The following PRKCI variants were observed in gnomAD, a reference collection of about 807,000 sequenced individuals.
PRKCI encodes protein kinase C iota.
PRKCI carries 43 observed loss-of-function variants against 84.0 expected under a neutral mutation model. The ratio of observed to expected loss-of-function variants is 0.51; its 90% CI spans 0.40 to 0.66. PRKCI has a LOEUF of 0.66. PRKCI is among the 30% of genes least tolerant of loss of function. The pLI is 0.00. For missense variants in PRKCI, 459 were observed against 745.6 expected, an observed-to-expected ratio of 0.62 and a Z score of 4.48; for synonymous variants, 216 against 234.4, an observed-to-expected ratio of 0.92 and a Z score of 0.72.
chr3:170,228,415 A>T (rs916189523), intron 1 of PRKCI, among the ~76,000 whole-genome samples: 1 of 152,058 alleles, frequency 6.6e-6, no homozygotes, highest in Non-Finnish European at 1.5e-5. Flanking sequence ...GCCTGGGCTG[A>T]ATGTGGTGAA....
chr3:170,290,353 C>T (rs1734518499), intron 12 of PRKCI, among the ~76,000 whole-genome samples: 2 of 151,348 alleles, frequency 1.3e-5, no homozygotes, highest in African/African-American at 4.9e-5. Context: ...AATATTAGTT[C>T]ATTGGAATAC....
chr3:170,225,794 C>T (rs1473283787), intron 1 of PRKCI, among the ~76,000 whole-genome samples: 1 of 151,970 alleles, frequency 6.6e-6, no homozygotes, highest in Non-Finnish European at 1.5e-5. Flanking sequence ...AAATTGCCCT[C>T]TCTTTTCAAA....
At chr3:170,295,590 C>T (rs1734669359) in intron 14 of PRKCI, among the ~76,000 whole-genome samples, 1 of 150,620 alleles carries the variant, frequency 6.6e-6, no homozygotes, top group Admixed American at 6.6e-5. Flanking sequence ...GTGGTAGAAG[C>T]ACTTGAACCC....
In PRKCI at chr3:170,305,658, A is replaced by G. The variant is rs777070809; in HGVS notation, c.*2531A>G. On this transcript the variant is annotated 3_prime_UTR_variant, in exon 18 of 18. Coordinates refer to ENST00000295797, the MANE Select transcript of PRKCI (RefSeq NM_002740.6). ...CTGTTTTTTGCAGTCTTTAAGTGCC[A>G]TGCCAATTGTTCTTATATTCTATAG... 6.6e-6 allele frequency: 1 copy of G among 152,226 alleles called. No individual in the cohort carries two copies. Among genetic ancestry groups the G allele is most frequent in the African/African-American group, 2.4e-5 (1 of 41,462 alleles). 9.4% of individuals were successfully genotyped at this position (152,226 alleles called of 1,614,324 possible).
intron 1 of PRKCI, among the ~76,000 whole-genome samples, chr3:170,225,605 A>C (rs1469445738): frequency 4.0e-5 from 6 of 150,478 alleles, no homozygotes; most frequent in Non-Finnish European, 7.4e-5. Flanking sequence ...ACAAGGTCTC[A>C]CCGTGTTGCC....
intron 1 of PRKCI, among the ~76,000 whole-genome samples, chr3:170,226,573 T>C (rs963527083): frequency 6.6e-6 from 1 of 152,216 alleles, no homozygotes. Flanking sequence ...TGCTGTCAAG[T>C]AGTAATAACA....
In PRKCI at chr3:170,303,760, G is replaced by A; in HGVS notation, c.*633G>A. 5.0e-6 allele frequency: 1 copy of A among 201,780 alleles called. No homozygotes were observed. The highest frequency in any genetic ancestry group is 1.0e-5 in the Non-Finnish European group (1 of 98,020). 12.5% of individuals were successfully genotyped at this position (201,780 alleles called of 1,614,324 possible). A position where few individuals can be genotyped will look rare whatever the true frequency, so the allele number is the denominator to read the frequency against. ...GCCTGTGATCCCAGTACTTTGGGAG[G>A]TTGAGGCGGGCAGATCACTTGAGGT... On this transcript the variant is annotated 3_prime_UTR_variant, in exon 18 of 18. Transcript: ENST00000295797.
intron 1 of PRKCI, among the ~76,000 whole-genome samples, chr3:170,232,510 T>A (rs1426150743): frequency 1.3e-5 from 2 of 151,448 alleles, no homozygotes; most frequent in African/African-American, 4.8e-5. Context: ...GAGGCAGATA[T>A]GATTATCTCC....
intron 5 of PRKCI, among the ~76,000 whole-genome samples, chr3:170,268,599 AT>A (rs1368400032): frequency 6.6e-6 from 1 of 151,990 alleles, no homozygotes; most frequent in Non-Finnish European, 1.5e-5. Context: ...AGCAAGGTTT[AT>A]TTATTTAATA....
rs768009279 is a variant in PRKCI at position 170,293,507 on chromosome 3, A to G, written c.1416A>G (p.Gln472=). The change falls in exon 14 of 18, where the codon CAA becomes CAG. Residue 472 remains glutamine, a splice_region_variant and synonymous_variant. Coordinates refer to ENST00000295797, the MANE Select transcript of PRKCI (RefSeq NM_002740.6). The part of the protein sequence containing the change: ...PDQNTEDYLF[Q]VILEKQIRIP... ...AGAACACAGAGGATTATCTCTTCCAAGGTAATTTGGAGTATTTTACAGAGA... is the reference window on the plus strand; with the variant it reads ...AGAACACAGAGGATTATCTCTTCCAGGGTAATTTGGAGTATTTTACAGAGA... 2.5e-6 allele frequency: 4 copies of G among 1,613,036 alleles called. No individual in the cohort carries two copies. The highest frequency in any genetic ancestry group is 3.4e-6 in the Non-Finnish European group (4 of 1,179,588).
intron 17 of PRKCI, among the ~76,000 whole-genome samples, chr3:170,301,225 A>T (rs1734810876): frequency 6.6e-6 from 1 of 152,234 alleles, no homozygotes; most frequent in South Asian, 2.1e-4. Flanking sequence ...ATTTAATCAA[A>T]AGATAGGAGT....
intron 6 of PRKCI, among the ~76,000 whole-genome samples, chr3:170,270,869 C>T (rs550571437): frequency 5.9e-5 from 9 of 152,088 alleles, no homozygotes; most frequent in African/African-American, 2.2e-4. Context: ...TTAATCTGAA[C>T]GTATTAGTTT....
chr3:170,292,759 T>C (rs1404324774), intron 13 of PRKCI, among the ~76,000 whole-genome samples: 1 of 147,250 alleles, frequency 6.8e-6, no homozygotes, highest in African/African-American at 2.5e-5. Flanking sequence ...TGCCAACATA[T>C]AGCCGGGCGC....
Position 170,275,245 on chromosome 3 carries a change from T to G in PRKCI, c.663T>G (p.Pro221=). Reference sequence around the variant, plus strand: ...GGTTTTTAGTAATTCCATATAATCCTTCAAGTCATGAGAGTTTGGATCAAG... The same window carrying G: ...GGTTTTTAGTAATTCCATATAATCCGTCAAGTCATGAGAGTTTGGATCAAG... ...DHAQTVIPYN[P]SSHESLDQVG... The change falls in exon 8 of 18, where the codon CCT becomes CCG. Residue 221 remains proline (P), a synonymous_variant. Transcript: ENST00000295797. 6.3e-7 allele frequency: 1 copy of G among 1,590,020 alleles called. No homozygotes were observed. The highest frequency in any genetic ancestry group is 8.5e-7 in the Non-Finnish European group (1 of 1,170,686).
intron 6 of PRKCI, among the ~76,000 whole-genome samples, chr3:170,271,397 T>C (rs934015139): frequency 1.3e-5 from 2 of 152,208 alleles, no homozygotes; most frequent in Non-Finnish European, 2.9e-5. Context: ...AGGACTTTTT[T>C]AAAAACCTAA....
chr3:170,225,386 G>A (rs9876082), intron 1 of PRKCI, among the ~76,000 whole-genome samples: 12,102 of 152,118 alleles, frequency 0.08, 1,260 homozygotes, highest in African/African-American at 0.24. Flanking sequence ...AATGAGTCAC[G>A]GACAAGGATA....
chr3:170,232,264 A>G (rs1390935726), intron 1 of PRKCI, among the ~76,000 whole-genome samples: 1 of 152,110 alleles, frequency 6.6e-6, no homozygotes, highest in Non-Finnish European at 1.5e-5. Context: ...TTGCCCAGGC[A>G]GGCCTCGAAC....
intron 2 of PRKCI, among the ~76,000 whole-genome samples, chr3:170,253,210 T>G (rs912999808): frequency 6.6e-6 from 1 of 152,148 alleles, no homozygotes; most frequent in South Asian, 2.1e-4. Context: ...TATCTAGTGG[T>G]GGGATTTCTG....
chr3:170,227,289 A>G (rs1400160336), intron 1 of PRKCI, among the ~76,000 whole-genome samples: 1 of 152,204 alleles, frequency 6.6e-6, no homozygotes, highest in Admixed American at 6.5e-5. Context: ...TTTAGTAAAT[A>G]TTGTTGAACG....
Sources: gnomAD v4.1 joint callset for allele counts (sites outside exome capture counted in the v4.1 genomes callset) on GRCh38, gnomAD v4.1.1 for gene constraint, MANE v1.5 for transcripts, NCBI Gene and HGNC (gene_info 2026-07-23, HGNC 2026-07-21) for gene names.